Variants in DCC observed in about 807,000 individuals in gnomAD.
DCC encodes the protein netrin receptor DCC.
A neutral mutation model predicts 172.5 loss-of-function variants in DCC; 58 were observed. The ratio of observed to expected loss-of-function variants is 0.34; its 90% CI spans 0.27 to 0.42. The LOEUF (loss-of-function observed/expected upper bound fraction) is 0.42, where lower values mean the gene tolerates loss of function less well. Among genes scored for constraint, DCC ranks in the 10% least tolerant of loss-of-function variants. The probability of loss-of-function intolerance (pLI) is 1.00; values close to 1 mark genes in which losing one functional copy is unlikely to be tolerated. For synonymous variants in DCC, 709 were observed against 644.5 expected, an observed-to-expected ratio of 1.10 and a Z score of -1.52; for missense variants, 1,740 against 1,791.0, an observed-to-expected ratio of 0.97 and a Z score of 0.51.
intron 7 of DCC, among the ~76,000 whole-genome samples, chr18:53,127,998 TC>T (rs1468097770): frequency 3.3e-5 from 5 of 152,160 alleles, no homozygotes; most frequent in Non-Finnish European, 7.4e-5. Context: ...TCAAAAAAGT[TC>T]CCCAAATTGT....
intron 12 of DCC, among the ~76,000 whole-genome samples, chr18:53,301,916 G>C (rs567319848): frequency 9.2e-5 from 14 of 152,230 alleles, no homozygotes; most frequent in African/African-American, 3.4e-4. Context: ...AATAAATACT[G>C]CAGACTGGGT....
At chr18:53,285,990 T>C (rs2056931317) in intron 12 of DCC, among the ~76,000 whole-genome samples, 1 of 152,238 alleles carries the variant, frequency 6.6e-6, no homozygotes, top group South Asian at 2.1e-4. Flanking sequence ...ATTTACCTAA[T>C]GCCTGTATCC....
At chr18:52,550,860 C>G (rs888500971) in intron 1 of DCC, among the ~76,000 whole-genome samples, 1 of 151,410 alleles carries the variant, frequency 6.6e-6, no homozygotes, top group African/African-American at 2.4e-5. Context: ...GAACTCTGTA[C>G]GATCTTCACA....
At chr18:52,411,587 T>A (rs1232306152) in intron 1 of DCC, among the ~76,000 whole-genome samples, 2 of 152,204 alleles carry the variant, frequency 1.3e-5, no homozygotes, top group Non-Finnish European at 2.9e-5. Flanking sequence ...TACCTACTTC[T>A]GGCTATAAGT....
At chr18:53,014,698 A>C (rs2041783228) in intron 5 of DCC, among the ~76,000 whole-genome samples, 1 of 152,068 alleles carries the variant, frequency 6.6e-6, no homozygotes, top group African/African-American at 2.4e-5. Flanking sequence ...GGCACCTATG[A>C]GAAGGCTCAC....
chr18:52,490,429 A>C (rs867933723), intron 1 of DCC, among the ~76,000 whole-genome samples: 2 of 152,096 alleles, frequency 1.3e-5, no homozygotes, highest in African/African-American at 4.8e-5. Flanking sequence ...TAGCTTTGTA[A>C]ATTTTAAAGA....
intron 2 of DCC, among the ~76,000 whole-genome samples, chr18:52,820,139 G>T (rs1381409596): frequency 6.6e-6 from 1 of 152,118 alleles, no homozygotes; most frequent in Non-Finnish European, 1.5e-5. Context: ...TGCTAAAGTA[G>T]ACTTAGATAC....
chr18:53,255,055 G>A (rs556441786), intron 12 of DCC, among the ~76,000 whole-genome samples: 98 of 151,948 alleles, frequency 6.4e-4, no homozygotes, highest in African/African-American at 2.3e-3. Context: ...CAGCTATTAT[G>A]TCCACGTCTG....
chr18:52,752,530 A>G (rs1413231528), intron 2 of DCC, among the ~76,000 whole-genome samples, 156 bp downstream of exon 2: 1 of 152,212 alleles, frequency 6.6e-6, no homozygotes, highest in African/African-American at 2.4e-5. Flanking sequence ...ATGAAGTACA[A>G]TGTCATGTTT....
At chr18:52,629,817 G>A (rs1326553780) in intron 1 of DCC, among the ~76,000 whole-genome samples, 2 of 151,978 alleles carry the variant, frequency 1.3e-5, no homozygotes, top group African/African-American at 4.8e-5. Context: ...GGGCGTGCTG[G>A]CGGGTACCTG....
intron 1 of DCC, among the ~76,000 whole-genome samples, chr18:52,353,521 C>T (rs1459812123): frequency 3.3e-5 from 5 of 152,144 alleles, no homozygotes; most frequent in Non-Finnish European, 5.9e-5. Flanking sequence ...CTGAACCTCG[C>T]CTTTTGATTG....
intron 24 of DCC, among the ~76,000 whole-genome samples, chr18:53,459,833 T>A (rs1031644492): frequency 6.6e-6 from 1 of 152,118 alleles, no homozygotes; most frequent in Non-Finnish European, 1.5e-5. Context: ...TTCCAGTTCC[T>A]TATTTCGATA....
chr18:53,110,393 G>T (rs117969851), intron 7 of DCC, among the ~76,000 whole-genome samples: 3 of 151,606 alleles, frequency 2.0e-5, no homozygotes, highest in Non-Finnish European at 4.4e-5. Flanking sequence ...AGCAAAATAA[G>T]ATAATTTAGC....
At chr18:52,723,050 G>A (rs1050199774) in intron 1 of DCC, among the ~76,000 whole-genome samples, 32 of 152,270 alleles carry the variant, frequency 2.1e-4, no homozygotes, top group South Asian at 8.3e-4. Context: ...TAGCTTCCAA[G>A]GCTGCTTTTG....
chr18:52,587,529 C>A (rs970841570), intron 1 of DCC, among the ~76,000 whole-genome samples: 2 of 152,176 alleles, frequency 1.3e-5, no homozygotes, highest in Non-Finnish European at 2.9e-5. Context: ...ATTTCTTTGT[C>A]ACCAATTTTC....
chr18:52,534,469 G>A (rs2032235117), intron 1 of DCC, among the ~76,000 whole-genome samples: 1 of 152,212 alleles, frequency 6.6e-6, no homozygotes, highest in East Asian at 1.9e-4. Flanking sequence ...TTGCCCTAAT[G>A]AGAAATTTGC....
intron 11 of DCC, 106 bp downstream of exon 11, chr18:53,207,923 C>A (rs2055678910): frequency 6.5e-6 from 7 of 1,081,964 alleles, no homozygotes; most frequent in Admixed American, 3.5e-5. Context: ...GGCTTCCTGA[C>A]TAAAATTTTA....
chr18:52,541,227 T>G (rs1340322232), intron 1 of DCC, among the ~76,000 whole-genome samples: 1 of 152,188 alleles, frequency 6.6e-6, no homozygotes, highest in Non-Finnish European at 1.5e-5. Flanking sequence ...TTGCCATTCT[T>G]GGCCACCTCA....
At chr18:52,397,122 A>G (rs1455217704) in intron 1 of DCC, among the ~76,000 whole-genome samples, 1 of 152,008 alleles carries the variant, frequency 6.6e-6, no homozygotes, top group Non-Finnish European at 1.5e-5. Flanking sequence ...TTTTTCTTTT[A>G]TAAATGTTTA....
Sources: allele counts gnomAD v4.1 joint callset (sites outside exome capture counted in the v4.1 genomes callset), GRCh38; gene constraint gnomAD v4.1.1; transcripts MANE v1.5; gene names NCBI Gene and HGNC (gene_info 2026-07-23, HGNC 2026-07-21).